Variants in SETD5 observed in about 807,000 individuals in gnomAD.
SETD5 encodes the protein histone-lysine N-methyltransferase SETD5.
SETD5 carries 44 observed loss-of-function variants against 153.3 expected under a neutral mutation model. The ratio of observed to expected loss-of-function variants is 0.29; its 90% CI spans 0.23 to 0.37. The LOEUF (loss-of-function observed/expected upper bound fraction) is 0.37, where lower values mean the gene tolerates loss of function less well. SETD5 is among the 10% of genes least tolerant of loss of function. The probability of loss-of-function intolerance (pLI) is 1.00; values close to 1 mark genes in which losing one functional copy is unlikely to be tolerated. For synonymous variants in SETD5, 716 were observed against 645.2 expected (o/e 1.11, Z -1.66); for missense variants, 1,544 against 1,768.0 (o/e 0.87, Z 2.27).
Position 9,425,051 on chromosome 3 carries a change from G to GTTTTTTTTTTTT in SETD5, c.-117+528_-117+529insTTTTTTTTTTTT, listed in dbSNP as rs1559380190. Among the ~76,000 whole-genome samples, 33 of 91,406 alleles carry GTTTTTTTTTTTT rather than the reference G, an allele frequency of 3.6e-4. 1 individual carries two copies. The highest frequency in any genetic ancestry group is 1.6e-3 in the African/African-American group (31 of 19,922). The allele number at this position is 91,406 out of a possible 152,430, so 60.0% of individuals were successfully genotyped here. A position where few individuals can be genotyped will look rare whatever the true frequency, so the allele number is the denominator to read the frequency against. ...ATAGAAATTTATAGTTACCGACAAT[G>GTTTTTTTTTTTT]TTTCTTTTTTTTTTTTTTTTTTTTT... On this transcript the variant is annotated intron_variant, in intron 2 of 22. Coordinates refer to ENST00000402198, the MANE Select transcript of SETD5 (RefSeq NM_001080517.3).
intron 1 of SETD5, among the ~76,000 whole-genome samples, chr3:9,415,756 T>A (rs1320990049): frequency 6.6e-6 from 1 of 151,148 alleles, no homozygotes; most frequent in African/African-American, 2.4e-5. Flanking sequence ...CTCCTGGCTG[T>A]CTTATTGTGT....
chr3:9,419,961 AAC>A (rs1465573557), intron 1 of SETD5, among the ~76,000 whole-genome samples: 2 of 152,196 alleles, frequency 1.3e-5, no homozygotes, highest in African/African-American at 4.8e-5. Context: ...ATTGGTCTCT[AAC>A]ACATGTTCTG....
chr3:9,451,964 C>G (rs943769521), intron 16 of SETD5, among the ~76,000 whole-genome samples: 2 of 152,166 alleles, frequency 1.3e-5, no homozygotes, highest in Non-Finnish European at 2.9e-5. Context: ...AACTTATTAT[C>G]CATGAGGTTA....
intron 17 of SETD5, among the ~76,000 whole-genome samples, chr3:9,459,154 C>T (rs1052949275): frequency 7.2e-5 from 11 of 152,012 alleles, no homozygotes; most frequent in East Asian, 1.9e-4. Flanking sequence ...GTGAACATGG[C>T]GGGTGAGACG....
intron 13 of SETD5, 113 bp from the exon 14 acceptor site, chr3:9,446,937 C>A (rs2042090774): frequency 1.5e-6 from 1 of 687,336 alleles, no homozygotes; most frequent in East Asian, 2.8e-5. Context: ...TATGTGTCAT[C>A]TTACTGGTAG....
chr3:9,416,059 T>TGGTTTG (rs1255531838), intron 1 of SETD5, among the ~76,000 whole-genome samples: 8 of 152,046 alleles, frequency 5.3e-5, no homozygotes, highest in Non-Finnish European at 1.2e-4. Flanking sequence ...AATTTTTTTG[T>TGGTTTG]GGTTCAAATA....
At chr3:9,431,360 C>T in intron 3 of SETD5, 1 of 985,270 alleles carries the variant, frequency 1.0e-6, no homozygotes, top group Non-Finnish European at 1.2e-6. Flanking sequence ...GTGTCCAATT[C>T]AGTGATAGGA....
intron 19 of SETD5, among the ~76,000 whole-genome samples, chr3:9,471,615 G>T (rs1677012653): frequency 6.6e-6 from 1 of 152,202 alleles, no homozygotes; most frequent in African/African-American, 2.4e-5. Context: ...GTGCTGGGCT[G>T]GGCCAGGCCA....
chr3:9,457,060 T>C (rs1163404950), intron 17 of SETD5, among the ~76,000 whole-genome samples: 1 of 152,062 alleles, frequency 6.6e-6, no homozygotes, highest in Non-Finnish European at 1.5e-5. Flanking sequence ...TATTTTAAGT[T>C]CCTAAAAGCT....
intron 1 of SETD5, chr3:9,423,163 G>A (rs902833093): frequency 5.9e-5 from 9 of 152,206 alleles, no homozygotes; most frequent in African/African-American, 1.9e-4. Flanking sequence ...AGATCATACA[G>A]GTCTTGTGCT....
At chr3:9,468,074 A>T (rs1251786141) in intron 18 of SETD5, among the ~76,000 whole-genome samples, 1 of 150,924 alleles carries the variant, frequency 6.6e-6, no homozygotes, top group African/African-American at 2.4e-5. Context: ...GAGGCATATA[A>T]GAGAATAAAG....
At position 9,453,725 on chromosome 3, in the gene SETD5, C is replaced by T. The variant is rs200975171; in HGVS notation, c.2347-14C>T. On this transcript the variant is annotated splice_polypyrimidine_tract_variant and intron_variant, in intron 16 of 22. Transcript: ENST00000402198. ...GATAATTATTGATAATTCTCTGGTT[C>T]TTTTCAATTATAGCGCTGGATAAAA... 1.2e-3 allele frequency: 1,914 copies of T among 1,570,484 alleles called. 3 individuals are homozygous for T. The highest frequency in any genetic ancestry group is 4.3e-3 in the Middle Eastern group (25 of 5,840).
rs116540535 is a variant in SETD5 at position 9,476,542 on chromosome 3, A to G, written c.*451A>G. 3.4e-3 allele frequency: 543 copies of G among 158,418 alleles called. 3 individuals carry two copies. The highest frequency in any genetic ancestry group is 4.8e-3 in the Admixed American group (80 of 16,582). 9.8% of individuals were successfully genotyped at this position (158,418 alleles called of 1,614,324 possible). On this transcript the variant is annotated 3_prime_UTR_variant, in exon 23 of 23. Coordinates refer to ENST00000402198, the MANE Select transcript of SETD5 (RefSeq NM_001080517.3). Reference sequence around the variant, plus strand: ...AGCCCCAAGCCATCTGAGTACTGTTAGGGTTTTATGCACTTAAGAAAAAAG... The same window carrying G: ...AGCCCCAAGCCATCTGAGTACTGTTGGGGTTTTATGCACTTAAGAAAAAAG...
At chr3:9,446,094 T>A (rs943933571) in intron 13 of SETD5, among the ~76,000 whole-genome samples, 3 of 150,334 alleles carry the variant, frequency 2.0e-5, no homozygotes, top group South Asian at 2.1e-4. Flanking sequence ...GAGACCATCC[T>A]CGCTAACACG....
intron 1 of SETD5, among the ~76,000 whole-genome samples, chr3:9,399,654 A>G (rs1045868172): frequency 1.3e-5 from 2 of 152,208 alleles, no homozygotes; most frequent in African/African-American, 4.8e-5. Flanking sequence ...ATTGGCTTTC[A>G]AAAGACCAAA....
Position 9,422,013 on chromosome 3 carries a change from A to G in SETD5, c.-176-2454A>G, listed in dbSNP as rs536061641. Among the ~76,000 whole-genome samples the G allele has an allele frequency of 6.2e-4, 95 of 152,316 alleles. 1 individual carries two copies. In the South Asian group the frequency reaches 0.019, roughly 30 times the overall value. On this transcript the variant is annotated intron_variant, in intron 1 of 22. Coordinates refer to ENST00000402198, the MANE Select transcript of SETD5 (RefSeq NM_001080517.3). Reference sequence around the variant, plus strand: ...TAGTTGAAGTTTAGAGAAGTGCTTTATACAGGATCTTTTATTTAGTGAGAA... The same window carrying G: ...TAGTTGAAGTTTAGAGAAGTGCTTTGTACAGGATCTTTTATTTAGTGAGAA...
At chr3:9,422,950 C>T (rs949346867) in intron 1 of SETD5, among the ~76,000 whole-genome samples, 4 of 152,188 alleles carry the variant, frequency 2.6e-5, no homozygotes, top group East Asian at 3.8e-4. Flanking sequence ...CTTTCTGAAG[C>T]GGCACTCCTC....
chr3:9,403,941 T>C (rs971793361), intron 1 of SETD5, among the ~76,000 whole-genome samples: 1 of 152,252 alleles, frequency 6.6e-6, no homozygotes, highest in African/African-American at 2.4e-5. Flanking sequence ...ATAAAGAATT[T>C]CATTTATAGG....
At position 9,447,970 on chromosome 3, in the gene SETD5, C is replaced by G; in HGVS notation, c.2067C>G (p.Val689=). The stretch of plus-strand genomic sequence containing the variant: ...TGGTGTCAATTACTGGATCCCATGT[C>G]AACCGTGCTGCATCTAAATACCCCA... ...PTVVSITGSH[V]NRAASKYPKT... is the part of the protein sequence containing the mutation. The change falls in exon 15 of 23, where the codon GTC becomes GTG. Residue 689 remains valine (V), a synonymous_variant. Transcript: ENST00000402198. 6.2e-7 allele frequency: 1 copy of G among 1,613,776 alleles called. No individual in the cohort carries two copies. The highest frequency in any genetic ancestry group is 8.5e-7 in the Non-Finnish European group (1 of 1,179,740).
Sources: allele counts gnomAD v4.1 joint callset (sites outside exome capture counted in the v4.1 genomes callset), GRCh38; gene constraint gnomAD v4.1.1; transcripts MANE v1.5; gene names NCBI Gene and HGNC (gene_info 2026-07-23, HGNC 2026-07-21).